CLVS1: variants seen among roughly 807,000 people sequenced by gnomAD.
CLVS1 encodes the protein clavesin 1.
A neutral mutation model predicts 33.1 loss-of-function variants in CLVS1; 10 were observed. The ratio of observed to expected loss-of-function variants is 0.30; its 90% confidence interval spans 0.19 to 0.51. The LOEUF is 0.51. CLVS1 is among the 20% of genes least tolerant of loss of function. The probability of loss-of-function intolerance (pLI) is 0.97; values close to 1 mark genes in which losing one functional copy is unlikely to be tolerated. For missense variants in CLVS1, 343 were observed against 433.4 expected, an observed-to-expected ratio of 0.79 and a Z score of 1.85; for synonymous variants, 163 against 166.1, an observed-to-expected ratio of 0.98 and a Z score of 0.14.
At chr8:61,001,183 GT>G in the CLVS1 span, among the ~76,000 whole-genome samples, 2 of 152,082 alleles carry the variant, frequency 1.3e-5, no homozygotes, top group African/African-American at 4.8e-5. Flanking sequence ...GGGTCTTGCT[GT>G]ATTGCTCAGG....
the CLVS1 span, among the ~76,000 whole-genome samples, chr8:61,037,018 C>T: frequency 6.6e-6 from 1 of 152,208 alleles, no homozygotes; most frequent in Non-Finnish European, 1.5e-5. Flanking sequence ...GAATACAAAA[C>T]TTTCATTTAG....
At chr8:61,416,957 T>C (rs2129604393) in intron 3 of CLVS1, among the ~76,000 whole-genome samples, 1 of 152,308 alleles carries the variant, frequency 6.6e-6, no homozygotes, top group Non-Finnish European at 1.5e-5. Flanking sequence ...AAGTTGATTC[T>C]TAAGAGAATA....
chr8:61,200,365 C>A (rs1422023051), intron 2 of CLVS1, among the ~76,000 whole-genome samples: 1 of 152,222 alleles, frequency 6.6e-6, no homozygotes, highest in Non-Finnish European at 1.5e-5. Context: ...AGGTGATCTG[C>A]CTGCTTCAGC....
chr8:61,392,861 A>G (rs913547609), intron 3 of CLVS1, among the ~76,000 whole-genome samples: 3 of 152,046 alleles, frequency 2.0e-5, no homozygotes, highest in Admixed American at 6.5e-5. Context: ...CATATATTTT[A>G]AATCATTGTT....
intron 2 of CLVS1, among the ~76,000 whole-genome samples, chr8:61,199,586 A>C (rs1297581414): frequency 2.6e-5 from 4 of 152,226 alleles, no homozygotes; most frequent in African/African-American, 4.8e-5. Flanking sequence ...AGAATGGCCC[A>C]AAAATCAGAA....
chr8:60,987,439 G>A, the CLVS1 span, among the ~76,000 whole-genome samples: 1 of 152,160 alleles, frequency 6.6e-6, no homozygotes, highest in Non-Finnish European at 1.5e-5. Context: ...CAGTGCTCTT[G>A]AGTTTTATGC....
At chr8:61,211,253 C>T (rs1419355272) in intron 2 of CLVS1, among the ~76,000 whole-genome samples, 1 of 151,942 alleles carries the variant, frequency 6.6e-6, no homozygotes, top group Non-Finnish European at 1.5e-5. Flanking sequence ...AATAGATAGT[C>T]CCTAGAGATT....
intron 1 of CLVS1, among the ~76,000 whole-genome samples, chr8:61,129,642 A>G (rs1699335914): frequency 6.6e-6 from 1 of 152,148 alleles, no homozygotes; most frequent in Non-Finnish European, 1.5e-5. Flanking sequence ...TGGTTCATAG[A>G]TGGTGTCTTC....
At chr8:61,016,655 C>G in the CLVS1 span, among the ~76,000 whole-genome samples, 123 of 152,334 alleles carry the variant, frequency 8.1e-4, no homozygotes, top group Non-Finnish European at 1.6e-3. Flanking sequence ...GGGAAGAAAA[C>G]TGCATGTGCA....
chr8:61,339,798 AAG>A (rs1554561123), intron 2 of CLVS1, among the ~76,000 whole-genome samples: 2 of 148,848 alleles, frequency 1.3e-5, no homozygotes, highest in African/African-American at 2.5e-5. Context: ...AAAGAGAAAA[AAG>A]AGAGGAAGGA....
chr8:61,032,000 C>T, the CLVS1 span, among the ~76,000 whole-genome samples: 1 of 152,150 alleles, frequency 6.6e-6, no homozygotes, highest in African/African-American at 2.4e-5. Flanking sequence ...ATAATGGTAG[C>T]AGTTTTGGTT....
In CLVS1 at chr8:61,271,432, C is replaced by T. The variant is rs1223661050; in HGVS notation, c.-151-28245C>T. ...TATTTGCTGAGGAGAGCTTTACTTC[C>T]AAGTATGTGGTCAATTTTGGAATAG... On this transcript the variant is annotated intron_variant, in intron 2 of 2. Transcript: ENST00000522621. 8.8e-5 allele frequency among the ~76,000 whole-genome samples: 13 copies of T among 148,352 alleles called. No homozygotes were observed. In the East Asian group the frequency reaches 2.4e-3, roughly 27 times the overall value.
In CLVS1 at chr8:61,133,265, C is replaced by T. The variant is rs577685444; in HGVS notation, c.-152+1405C>T. Among the ~76,000 whole-genome samples the T allele has an allele frequency of 7.9e-5, 12 of 152,076 alleles. 1 individual carries two copies. The highest frequency in any genetic ancestry group is 2.1e-4 in the South Asian group (1 of 4,804). On this transcript the variant is annotated intron_variant, in intron 2 of 2. Coordinates refer to the CLVS1 transcript ENST00000522621. ...GTAAAAGATAGGAAGGGGGCACAGA[C>T]GAGGGGGTCGTCAATTCTGCACAGG...
chr8:61,266,256 G>T (rs1174856882), intron 2 of CLVS1, among the ~76,000 whole-genome samples: 1 of 150,146 alleles, frequency 6.7e-6, no homozygotes, highest in Non-Finnish European at 1.5e-5. Flanking sequence ...TTGTTTACTT[G>T]TGACAATGCC....
Position 61,499,742 on chromosome 8 carries a change from T to G in CLVS1, c.*200T>G. On this transcript the variant is annotated 3_prime_UTR_variant, in exon 6 of 6. Transcript: ENST00000325897. Reference sequence around the variant, plus strand: ...ACAAAGACTTGAGAGATGCTTTTTTTTTCCCCCAGTGAGGGGACTGGAGGA... The same window carrying G: ...ACAAAGACTTGAGAGATGCTTTTTTGTTCCCCCAGTGAGGGGACTGGAGGA... 1 of 401,970 alleles carries G rather than the reference T, an allele frequency of 2.5e-6. No homozygotes were observed. The highest frequency in any genetic ancestry group is 4.5e-6 in the Non-Finnish European group (1 of 221,714). 24.9% of individuals were successfully genotyped at this position (401,970 alleles called of 1,614,324 possible). A position where few individuals can be genotyped will look rare whatever the true frequency, so the allele number is the denominator to read the frequency against.
At chr8:61,157,782 C>A (rs995899965) in intron 2 of CLVS1, among the ~76,000 whole-genome samples, 11 of 151,868 alleles carry the variant, frequency 7.2e-5, no homozygotes, top group Non-Finnish European at 1.5e-4. Context: ...GCAGTAAACA[C>A]ATGAAAATCA....
intron 2 of CLVS1, among the ~76,000 whole-genome samples, chr8:61,233,547 A>G (rs933954071): frequency 1.3e-5 from 2 of 152,008 alleles, no homozygotes; most frequent in Non-Finnish European, 2.9e-5. Flanking sequence ...AAAAGAAAAA[A>G]AAAAGTCCAC....
chr8:61,114,576 A>G (rs1805684057), intron 1 of CLVS1, among the ~76,000 whole-genome samples: 1 of 152,228 alleles, frequency 6.6e-6, no homozygotes, highest in Admixed American at 6.5e-5. Flanking sequence ...GCTAGCTGCT[A>G]CACTACATTT....
chr8:61,111,125 A>G (rs1304068945), intron 1 of CLVS1, among the ~76,000 whole-genome samples: 1 of 152,248 alleles, frequency 6.6e-6, no homozygotes, highest in Non-Finnish European at 1.5e-5. Flanking sequence ...TGTTTGCAGT[A>G]GTGGAATACA....
Sources: gnomAD v4.1 joint callset for allele counts (sites outside exome capture counted in the v4.1 genomes callset) on GRCh38, gnomAD v4.1.1 for gene constraint, MANE v1.5 for transcripts, NCBI Gene and HGNC (gene_info 2026-07-23, HGNC 2026-07-21) for gene names.